The following TUBGCP3 variants were observed in gnomAD, a reference collection of about 807,000 sequenced individuals.
TUBGCP3 encodes the protein tubulin gamma complex component 3, also known as gamma-tubulin complex component 3.
In TUBGCP3, 50 loss-of-function variants were observed where a neutral mutation model predicts 123.1. That is an observed-to-expected ratio of 0.41 (90% CI 0.32 to 0.51). The LOEUF (loss-of-function observed/expected upper bound fraction) is 0.51. Ranked by LOEUF, TUBGCP3 falls within the 20% of genes least tolerant of loss-of-function variation. The pLI is 0.36. For synonymous variants in TUBGCP3, 405 were observed against 413.9 expected, an observed-to-expected ratio of 0.98 and a Z score of 0.26; for missense variants, 882 against 1,127.0, an observed-to-expected ratio of 0.78 and a Z score of 3.11.
intron 13 of TUBGCP3, 56 bp downstream of exon 13, chr13:112,526,886 A>G (rs1460166099): frequency 9.4e-6 from 12 of 1,279,790 alleles, no homozygotes; most frequent in Non-Finnish European, 1.4e-5. Context: ...CCATCCTCAC[A>G]TCATCATCAA....
rs775900417 is a variant in TUBGCP3 at position 112,565,166 on chromosome 13, C to T, written c.197G>A (p.Arg66Gln). 1.9e-5 allele frequency: 30 copies of T among 1,612,956 alleles called. No homozygotes were observed. Among genetic ancestry groups the T allele is most frequent in the Admixed American group, 8.3e-5 (5 of 59,966 alleles). Residue 66 changes from arginine to glutamine, a missense_variant, in exon 3 of 22, where the codon CGA (arginine) becomes CAA (glutamine). Around this residue, in one of 3 missense-constraint regions of TUBGCP3, gnomAD observed 713 missense variants for 874.0 expected, o/e 0.82. Coordinates refer to ENST00000261965, the MANE Select transcript of TUBGCP3 (RefSeq NM_006322.6). ...EKIKKELIRQ[R>Q]READAALFSE... is the part of the protein sequence containing the mutation. ...AAATAATGCAGCATCTGCTTCTCTT[C>T]GTTGTCGAATAACTGAAAAGACAGA...
chr13:112,602,678 T>C, the TUBGCP3 span: 1 of 152,182 alleles, frequency 6.6e-6, no homozygotes, highest in Non-Finnish European at 1.5e-5. Flanking sequence ...AACAATTGAG[T>C]GGGCTAGTGA....
intron 1 of TUBGCP3, among the ~76,000 whole-genome samples, chr13:112,586,705 TATC>T (rs1882632435): frequency 6.6e-6 from 1 of 152,178 alleles, no homozygotes; most frequent in Non-Finnish European, 1.5e-5. Context: ...ATGGCTGGTT[TATC>T]ATCTGTCTCT....
At chr13:112,560,296 G>T (rs1453056553) in intron 3 of TUBGCP3, among the ~76,000 whole-genome samples, 2 of 150,956 alleles carry the variant, frequency 1.3e-5, no homozygotes, top group African/African-American at 4.9e-5. Context: ...TGGGCGTAGT[G>T]GCGGGCGCCT....
intron 3 of TUBGCP3, among the ~76,000 whole-genome samples, chr13:112,560,834 T>C (rs1880459637): frequency 6.6e-6 from 1 of 152,218 alleles, no homozygotes; most frequent in Non-Finnish European, 1.5e-5. Flanking sequence ...GACCCAGCCC[T>C]GATGGAGTGT....
chr13:112,548,323 T>C, intron 8 of TUBGCP3, 147 bp from the exon 9 acceptor site: 1 of 475,538 alleles, frequency 2.1e-6, no homozygotes, highest in Non-Finnish European at 3.8e-6. Flanking sequence ...CTTCTAATCA[T>C]CTTAATCACC....
intron 21 of TUBGCP3, among the ~76,000 whole-genome samples, chr13:112,487,053 ATGTGTGTGTGTG>A (rs10522089): frequency 2.0e-5 from 3 of 147,412 alleles, no homozygotes; most frequent in East Asian, 2.0e-4. Flanking sequence ...AACACTGTGT[ATGTGTGTGTGTG>A]TGTGTGTGTG....
intron 11 of TUBGCP3, among the ~76,000 whole-genome samples, chr13:112,533,816 T>A (rs200500410): frequency 3.3e-4 from 48 of 146,936 alleles, no homozygotes; most frequent in African/African-American, 9.6e-4. Flanking sequence ...TTTTTTTTTT[T>A]AATTTTCTAT....
At chr13:112,503,967 A>T (rs1303016678) in intron 19 of TUBGCP3, 65 bp downstream of exon 19, 6 of 1,539,428 alleles carry the variant, frequency 3.9e-6, no homozygotes, top group Non-Finnish European at 5.3e-6. Flanking sequence ...CCCCCATTTG[A>T]CAGGAACCCA....
intron 21 of TUBGCP3, among the ~76,000 whole-genome samples, chr13:112,488,412 G>C (rs1443989014): frequency 6.6e-6 from 1 of 152,210 alleles, no homozygotes; most frequent in Non-Finnish European, 1.5e-5. Flanking sequence ...AAAGCAGAGG[G>C]ACAGACATGC....
At chr13:112,488,426 G>C (rs1278121773) in intron 21 of TUBGCP3, among the ~76,000 whole-genome samples, 1 of 152,206 alleles carries the variant, frequency 6.6e-6, no homozygotes. Context: ...GACATGCAGA[G>C]CAGCCGTCCC....
chr13:112,531,526 T>C (rs1017679615), intron 11 of TUBGCP3, among the ~76,000 whole-genome samples: 25 of 152,210 alleles, frequency 1.6e-4, no homozygotes, highest in African/African-American at 5.8e-4. Flanking sequence ...TGCATATAAA[T>C]TGTATGTCTG....
chr13:112,530,892 G>A (rs1007119914), intron 11 of TUBGCP3, among the ~76,000 whole-genome samples: 1 of 152,098 alleles, frequency 6.6e-6, no homozygotes, highest in African/African-American at 2.4e-5. Context: ...TTTATCCTCT[G>A]TATGTGCTTA....
intron 20 of TUBGCP3, among the ~76,000 whole-genome samples, chr13:112,496,521 T>C (rs1490374597): frequency 2.6e-5 from 4 of 152,214 alleles, no homozygotes; most frequent in East Asian, 1.9e-4. Flanking sequence ...TTCTCAGATA[T>C]GGTTTTAGCT....
upstream of TUBGCP3, among the ~76,000 whole-genome samples, chr13:112,590,347 G>A (rs188906328): frequency 6.2e-4 from 94 of 152,266 alleles, no homozygotes; most frequent in African/African-American, 2.1e-3. Flanking sequence ...ATTTCTTGAG[G>A]AGAACAATGT....
intron 10 of TUBGCP3, 183 bp from the exon 11 acceptor site, chr13:112,546,048 T>C: frequency 1.7e-6 from 1 of 581,520 alleles, no homozygotes; most frequent in South Asian, 2.6e-5. Context: ...AACCAGGAGG[T>C]CCAGACTCCA....
Position 112,499,309 on chromosome 13 carries a change from A to G in TUBGCP3, c.2308-124T>C, listed in dbSNP as rs1594108253. On this transcript the variant is annotated intron_variant, in intron 19 of 21. Coordinates refer to ENST00000261965, the MANE Select transcript of TUBGCP3 (RefSeq NM_006322.6). ...ATCAACTGAAATTCCCAAAGTGTTC[A>G]TTAGCTGTTCATTCATTCCCTCACC... The G allele has an allele frequency of 8.9e-6, 11 of 1,229,536 alleles. No individual in the cohort carries two copies. In the East Asian group the frequency reaches 2.8e-4, roughly 31 times the overall value. The allele number at this position is 1,229,536 out of a possible 1,614,324, so 76.2% of individuals were successfully genotyped here.
At chr13:112,514,477 C>A (rs978567470) in intron 17 of TUBGCP3, among the ~76,000 whole-genome samples, 3 of 152,012 alleles carry the variant, frequency 2.0e-5, no homozygotes, top group Non-Finnish European at 4.4e-5. Flanking sequence ...CAAAGGGGGA[C>A]CCCATCTTAA....
intron 13 of TUBGCP3, among the ~76,000 whole-genome samples, chr13:112,525,385 A>T (rs1876965167): frequency 6.6e-6 from 1 of 152,164 alleles, no homozygotes; most frequent in Non-Finnish European, 1.5e-5. Context: ...CACGTCCCTG[A>T]TCACTTTCAC....
Sources: gnomAD v4.1 joint callset for allele counts (sites outside exome capture counted in the v4.1 genomes callset) on GRCh38, gnomAD v4.1.1 for gene constraint, gnomAD v4.1.1 regional missense constraint, MANE v1.5 for transcripts, NCBI Gene and HGNC (gene_info 2026-07-23, HGNC 2026-07-21) for gene names.